Variants in KIF13A observed in about 807,000 individuals in gnomAD.
KIF13A encodes kinesin family member 13A, also known as kinesin-like protein KIF13A.
In KIF13A, 79 loss-of-function variants were observed where a neutral mutation model predicts 212.2. That is an observed-to-expected ratio of 0.37 (90% confidence interval 0.31 to 0.45). KIF13A has a LOEUF of 0.45. Among genes scored for constraint, KIF13A ranks in the 20% least tolerant of loss-of-function variants. KIF13A has a pLI of 1.00. For missense variants in KIF13A, 1,901 were observed against 2,209.0 expected, an observed-to-expected ratio of 0.86 and a Z score of 2.79; for synonymous variants, 789 against 808.6, an observed-to-expected ratio of 0.98 and a Z score of 0.41.
At chr6:17,831,270 G>A (rs745657934) in intron 12 of KIF13A, 35 bp from the exon 13 acceptor site, 3 of 1,595,594 alleles carry the variant, frequency 1.9e-6, no homozygotes, top group Non-Finnish European at 2.6e-6. Context: ...AGGAAACTCT[G>A]TTTGTTGTTC....
chr6:17,846,415 G>A (rs1311007412), intron 9 of KIF13A, among the ~76,000 whole-genome samples: 2 of 151,994 alleles, frequency 1.3e-5, no homozygotes, highest in Non-Finnish European at 2.9e-5. Flanking sequence ...TAAAAAGGAA[G>A]ATCATATCTC....
In KIF13A at chr6:17,834,094, T is replaced by A; in HGVS notation, c.1156-23A>T. The A allele has an allele frequency of 6.7e-7, 1 of 1,490,600 alleles. No individual in the cohort carries two copies. Among genetic ancestry groups the A allele is most frequent in the Non-Finnish European group, 9.1e-7 (1 of 1,102,160 alleles). 92.3% of individuals were successfully genotyped at this position (1,490,600 alleles called of 1,614,324 possible). ...GGCCTTTAAAATGAAATCAGAGATA[T>A]CTGATGTTCAAAATTTTTCCACCAT... On this transcript the variant is annotated intron_variant, in intron 11 of 38. Coordinates refer to ENST00000259711, the MANE Select transcript of KIF13A (RefSeq NM_022113.6). The surrounding 1 kb of genome is among the most constrained non-coding windows in gnomAD (Gnocchi z 4.0).
chr6:17,857,149 T>C (rs1009665984), intron 4 of KIF13A, among the ~76,000 whole-genome samples: 1 of 152,202 alleles, frequency 6.6e-6, no homozygotes, highest in African/African-American at 2.4e-5. Flanking sequence ...TTATGGAAAT[T>C]TAGATCTGAT....
chr6:17,772,401 G>C lies in KIF13A; in HGVS notation c.4325-342C>G, dbSNP rs995504621. Among the ~76,000 whole-genome samples the C allele has an allele frequency of 6.6e-6, 1 of 151,790 alleles. No individual in the cohort carries two copies. The highest frequency in any genetic ancestry group is 2.4e-5 in the African/African-American group (1 of 41,318). On this transcript the variant is annotated intron_variant, in intron 36 of 38. Coordinates refer to ENST00000259711, the MANE Select transcript of KIF13A (RefSeq NM_022113.6). The surrounding 1 kb of genome is among the most constrained non-coding windows in gnomAD (Gnocchi z 4.8). ...TCCAGCCCGGGCAAGAGAGAGAGAG[G>C]GAGACCCTGTCTAAAAACAAAACAA...
chr6:17,794,960 G>A lies in KIF13A; in HGVS notation c.2943-256C>T. 2.6e-6 allele frequency: 1 copy of A among 391,200 alleles called. No homozygotes were observed. Among genetic ancestry groups the A allele is most frequent in the Non-Finnish European group, 4.5e-6 (1 of 219,782 alleles). 24.2% of individuals were successfully genotyped at this position (391,200 alleles called of 1,614,324 possible). On this transcript the variant is annotated intron_variant, in intron 23 of 38. Coordinates refer to ENST00000259711, the MANE Select transcript of KIF13A (RefSeq NM_022113.6). The surrounding 1 kb of genome is among the most constrained non-coding windows in gnomAD (Gnocchi z 4.1). The stretch of plus-strand genomic sequence containing the variant: ...AGTTTTGAGAAATGCACATATGAGT[G>A]TAACCTGCCCTATCACCTCAGAAAG...
rs751669755 is a variant in KIF13A, at chr6:17,856,146, A to C, written c.221-24T>G. ...ACCTAAAAAACAAGACAAATATTAA[A>C]AACTAATAAAAAGAATAATTTTTCT... On this transcript the variant is annotated intron_variant, in intron 4 of 38. Coordinates refer to ENST00000259711, the MANE Select transcript of KIF13A (RefSeq NM_022113.6). The surrounding 1 kb of genome is among the most constrained non-coding windows in gnomAD (Gnocchi z 4.5). The C allele has an allele frequency of 4.9e-6, 7 of 1,416,722 alleles. No homozygotes were observed. The highest frequency in any genetic ancestry group is 5.9e-6 in the Non-Finnish European group (6 of 1,013,284). The allele number at this position is 1,416,722 out of a possible 1,614,324, so 87.8% of individuals were successfully genotyped here. A position where few individuals can be genotyped will look rare whatever the true frequency, so the allele number is the denominator to read the frequency against.
At position 17,777,653 on chromosome 6, in the gene KIF13A, G is replaced by A. The variant is rs1483918959; in HGVS notation, c.4093-299C>T. 6.6e-6 allele frequency among the ~76,000 whole-genome samples: 1 copy of A among 152,056 alleles called. No individual in the cohort carries two copies. Among genetic ancestry groups the A allele is most frequent in the Non-Finnish European group, 1.5e-5 (1 of 68,012 alleles). On this transcript the variant is annotated intron_variant, in intron 33 of 38. Transcript: ENST00000259711. The surrounding 1 kb of genome is among the most constrained non-coding windows in gnomAD (Gnocchi z 4.4). The stretch of plus-strand genomic sequence containing the variant: ...CCCACGTCGGCCTCCCAAAGTGTTA[G>A]GATTACAGGCGTGAGCCACCGCACC...
rs1766266026 is a variant in KIF13A, at chr6:17,839,167, G to T, written c.831-1584C>A. 6.6e-6 allele frequency among the ~76,000 whole-genome samples: 1 copy of T among 152,168 alleles called. No homozygotes were observed. The highest frequency in any genetic ancestry group is 2.4e-5 in the African/African-American group (1 of 41,442). On this transcript the variant is annotated intron_variant, in intron 9 of 38. Transcript: ENST00000259711. The surrounding 1 kb of genome is among the most constrained non-coding windows in gnomAD (Gnocchi z 4.3). ...TGAGTACAATGTATGTTATTCAGGT[G>T]ACGGATACCTTAAAAGCCCCGACTT...
At position 17,805,382 on chromosome 6, in the gene KIF13A, TGTG is replaced by T. The variant is rs1227341153; in HGVS notation, c.2304+90_2304+92del. ...ATGAGCACATCTCCGTGTGTGTGTG[TGTG>T]TGTGTGTGTGTGTGTGTGTGTGTTG... On this transcript the variant is annotated intron_variant, in intron 19 of 38. Coordinates refer to ENST00000259711, the MANE Select transcript of KIF13A (RefSeq NM_022113.6). 275 of 248,432 alleles carry T rather than the reference TGTG, an allele frequency of 1.1e-3. 1 individual carries two copies. Among genetic ancestry groups the T allele is most frequent in the African/African-American group, 7.2e-3 (242 of 33,712 alleles). The allele number at this position is 248,432 out of a possible 1,614,324, so 15.4% of individuals were successfully genotyped here.
At position 17,826,977 on chromosome 6, in the gene KIF13A, G is replaced by A. The variant is rs972703712; in HGVS notation, c.1533-853C>T. Among the ~76,000 whole-genome samples, 1 of 151,660 alleles carries A rather than the reference G, an allele frequency of 6.6e-6. No homozygotes were observed. Among genetic ancestry groups the A allele is most frequent in the African/African-American group, 2.4e-5 (1 of 41,274 alleles). ...ACTTGGGAGGCGAGGCAGGAGGTTT[G>A]CTTGAACCTGGAAGGCAGAGGTTGC... On this transcript the variant is annotated intron_variant, in intron 14 of 38. Transcript: ENST00000259711. The surrounding 1 kb of genome is among the most constrained non-coding windows in gnomAD (Gnocchi z 4.7).
intron 2 of KIF13A, chr6:17,953,430 A>G (rs1468715662): frequency 5.3e-5 from 8 of 149,902 alleles, no homozygotes; most frequent in East Asian, 2.2e-4. Flanking sequence ...AAAGCAGGGG[A>G]AAAAAAAAAT....
Position 17,781,378 on chromosome 6 carries a change from G to T in KIF13A, c.3545-77C>A. The stretch of plus-strand genomic sequence containing the variant: ...GCAAACACCAAAAATTTAAATATAT[G>T]CTTTTTACAGTTGAAGTTTACACAT... On this transcript the variant is annotated intron_variant, in intron 29 of 38. Transcript: ENST00000259711. 4.3e-6 allele frequency: 6 copies of T among 1,404,630 alleles called. No individual in the cohort carries two copies. In the South Asian group the frequency reaches 5.9e-5, roughly 14 times the overall value. The allele number at this position is 1,404,630 out of a possible 1,614,324, so 87.0% of individuals were successfully genotyped here.
At chr6:17,972,820 TGA>T (rs1237807205) in intron 2 of KIF13A, among the ~76,000 whole-genome samples, 3 of 129,458 alleles carry the variant, frequency 2.3e-5, no homozygotes, top group Admixed American at 1.5e-4. Flanking sequence ...TCCTTGTCTT[TGA>T]GAGAGAGTGA....
rs192463412 is a variant in KIF13A, at chr6:17,883,017, G to A, written c.160-9580C>T. ...ATTAATTCTTAGAGGATAAAGCCTT[G>A]GTTTCCCTAATCTTTTCATTACCAA... On this transcript the variant is annotated intron_variant, in intron 3 of 38. Transcript: ENST00000259711. This position sits in a 1 kb window ranked among gnomAD's most constrained non-coding sequence, Gnocchi z 4.8. 1.3e-5 allele frequency among the ~76,000 whole-genome samples: 2 copies of A among 152,158 alleles called. No homozygotes were observed. Among genetic ancestry groups the A allele is most frequent in the Non-Finnish European group, 2.9e-5 (2 of 68,006 alleles).
At chr6:17,952,878 C>T (rs1346586320) in intron 2 of KIF13A, among the ~76,000 whole-genome samples, 1 of 150,258 alleles carries the variant, frequency 6.7e-6, no homozygotes, top group Non-Finnish European at 1.5e-5. Flanking sequence ...TGCAGTGAGC[C>T]GAGATAGCGC....
chr6:17,771,097 A>G lies in KIF13A; in HGVS notation c.4581+17T>C, dbSNP rs1355948517. ...CCCACCACCAGGCAATATGACAGAA[A>G]TGGTTCCGGAACTTACAATCTTCTT... On this transcript the variant is annotated intron_variant, in intron 38 of 38. Transcript: ENST00000259711. The surrounding 1 kb of genome is among the most constrained non-coding windows in gnomAD (Gnocchi z 5.4). 2 of 1,556,994 alleles carry G rather than the reference A, an allele frequency of 1.3e-6. No individual in the cohort carries two copies. Among genetic ancestry groups the G allele is most frequent in the South Asian group, 1.1e-5 (1 of 88,334 alleles).
At chr6:17,890,697 C>T (rs1561726799) in intron 3 of KIF13A, among the ~76,000 whole-genome samples, 1 of 150,758 alleles carries the variant, frequency 6.6e-6, no homozygotes. Flanking sequence ...CACAATCATA[C>T]CTCAGTGAAG....
chr6:17,794,458 A>G lies in KIF13A; in HGVS notation c.3076-63T>C. On this transcript the variant is annotated intron_variant, in intron 24 of 38. Transcript: ENST00000259711. This position sits in a 1 kb window ranked among gnomAD's most constrained non-coding sequence, Gnocchi z 4.1. ...ATAATGAAAAGGAACGGGATAAAGA[A>G]GGGGAAAAGGATTAGAGAATAAAGA... The G allele has an allele frequency of 1.3e-6, 2 of 1,573,642 alleles. No individual in the cohort carries two copies. Among genetic ancestry groups the G allele is most frequent in the South Asian group, 1.1e-5 (1 of 87,416 alleles).
intron 4 of KIF13A, among the ~76,000 whole-genome samples, chr6:17,866,850 TATA>T (rs1562074620): frequency 2.6e-5 from 1 of 39,194 alleles, no homozygotes; most frequent in African/African-American, 5.4e-5. Flanking sequence ...TATATATATA[TATA>T]TATATATATA....
Sources: allele counts gnomAD v4.1 joint callset (sites outside exome capture counted in the v4.1 genomes callset), GRCh38; gene constraint gnomAD v4.1.1; non-coding constraint Gnocchi (gnomAD v3.1); transcripts MANE v1.5; gene names NCBI Gene and HGNC (gene_info 2026-07-23, HGNC 2026-07-21).